DNAH3: variants seen among roughly 807,000 people sequenced by gnomAD.
DNAH3 encodes the protein axonemal beta dynein heavy chain 3.
Under a neutral mutation model 432.5 loss-of-function variants are expected in DNAH3, and 332 were observed. That is an observed-to-expected ratio of 0.77 (90% CI 0.70 to 0.84). The LOEUF (loss-of-function observed/expected upper bound fraction) is 0.84, where lower values mean the gene tolerates loss of function less well. Ranked by LOEUF, DNAH3 falls within the 40% of genes least tolerant of loss-of-function variation. The probability of loss-of-function intolerance (pLI) is 0.00; values close to 1 mark genes in which losing one functional copy is unlikely to be tolerated. For missense variants in DNAH3, 4,861 were observed against 5,114.0 expected (o/e 0.95, Z 1.51); for synonymous variants, 1,956 against 1,900.2 (o/e 1.03, Z -0.76).
intron 12 of DNAH3, among the ~76,000 whole-genome samples, chr16:21,115,818 A>G (rs1184998434): frequency 6.6e-6 from 1 of 152,180 alleles, no homozygotes; most frequent in Non-Finnish European, 1.5e-5. Flanking sequence ...GAATAGGGAA[A>G]ACAGAGGTTT....
intron 2 of DNAH3, 150 bp downstream of exon 3, chr16:21,145,834 G>A: frequency 1.6e-6 from 1 of 609,310 alleles, no homozygotes; most frequent in Non-Finnish European, 2.9e-6. Context: ...GCCTCTTCTG[G>A]GGGCAAAAGC....
intron 1 of DNAH3, among the ~76,000 whole-genome samples, chr16:21,156,200 ATTTATTTTATTTTAT>A (rs1555579919): frequency 4.0e-5 from 3 of 75,766 alleles, no homozygotes; most frequent in African/African-American, 1.4e-4. Flanking sequence ...ATTTTATTTT[ATTTATTTTATTTTAT>A]TTTATTTTAT....
chr16:20,979,232 G>C, intron 50 of DNAH3, 98 bp downstream of exon 50: 1 of 1,069,456 alleles, frequency 9.4e-7, no homozygotes, highest in Non-Finnish European at 1.4e-6. Context: ...CATTCTGCTT[G>C]ATCTGGTGTC....
intron 27 of DNAH3, among the ~76,000 whole-genome samples, chr16:21,056,035 GC>G (rs2090121387): frequency 6.6e-6 from 1 of 152,168 alleles, no homozygotes; most frequent in Non-Finnish European, 1.5e-5. Context: ...ACCGTATCCT[GC>G]CCTGAATCTA....
intron 24 of DNAH3, among the ~76,000 whole-genome samples, chr16:21,063,630 C>T (rs1347735071): frequency 6.6e-6 from 1 of 151,842 alleles, no homozygotes; most frequent in Non-Finnish European, 1.5e-5. Context: ...ACAGCCTTGA[C>T]CTCCAGGGCT....
chr16:20,953,635 G>C (rs1246991124), intron 55 of DNAH3, among the ~76,000 whole-genome samples: 1 of 151,558 alleles, frequency 6.6e-6, no homozygotes, highest in Non-Finnish European at 1.5e-5. Flanking sequence ...AGAGTGGTAT[G>C]ATCTCCCTTC....
intron 20 of DNAH3, among the ~76,000 whole-genome samples, chr16:21,075,914 C>CAAAAA (rs34186982): frequency 2.8e-4 from 15 of 52,678 alleles, no homozygotes; most frequent in African/African-American, 9.0e-4. Context: ...AACCCTGTCT[C>CAAAAA]AAAAAAAAAA....
intron 1 of DNAH3, among the ~76,000 whole-genome samples, chr16:21,147,035 C>T (rs1228366763): frequency 6.6e-6 from 1 of 152,006 alleles, no homozygotes; most frequent in Admixed American, 6.6e-5. Flanking sequence ...TCTGGGATTA[C>T]AGGCATGAGC....
At chr16:20,971,691 T>A (rs1040577035) in intron 51 of DNAH3, among the ~76,000 whole-genome samples, 3 of 152,140 alleles carry the variant, frequency 2.0e-5, no homozygotes, top group African/African-American at 7.2e-5. Flanking sequence ...CCTTGTGCGA[T>A]CACTCACCTC....
At chr16:21,097,311 C>T (rs754131055) in intron 18 of DNAH3, 44 bp downstream of exon 18, 4 of 1,609,744 alleles carry the variant, frequency 2.5e-6, no homozygotes, top group Non-Finnish European at 3.4e-6. Context: ...GTGGATCCTC[C>T]ACCTCATCCC....
At chr16:21,063,537 T>G (rs2090439689) in intron 24 of DNAH3, among the ~76,000 whole-genome samples, 2 of 150,512 alleles carry the variant, frequency 1.3e-5, no homozygotes, top group Admixed American at 1.3e-4. Context: ...TTATTTTTAT[T>G]TTTATTTTTA....
chr16:20,981,313 G>A (rs2085886536), intron 49 of DNAH3, among the ~76,000 whole-genome samples: 1 of 152,144 alleles, frequency 6.6e-6, no homozygotes, highest in Non-Finnish European at 1.5e-5. Context: ...CTACCCACAA[G>A]CACGTGGACC....
In DNAH3 at chr16:21,095,565, A is replaced by G. The variant is rs548304043; in HGVS notation, c.2665+1790T>C. Among the ~76,000 whole-genome samples the G allele has an allele frequency of 2.9e-3, 438 of 152,294 alleles. 14 individuals are homozygous for G. The highest frequency in any genetic ancestry group is 0.01 in the Middle Eastern group (3 of 294). Reference sequence around the variant, plus strand: ...CTGGGGGGAGGATTTGACCACAAGGAGACAGTCCAAAGAAATTTATTGAGT... The same window carrying G: ...CTGGGGGGAGGATTTGACCACAAGGGGACAGTCCAAAGAAATTTATTGAGT... On this transcript the variant is annotated intron_variant, in intron 18 of 61. Coordinates refer to ENST00000261383, the Ensembl canonical transcript of DNAH3.
At chr16:21,045,086 T>C (rs1416807592) in intron 31 of DNAH3, among the ~76,000 whole-genome samples, 6 of 152,178 alleles carry the variant, frequency 3.9e-5, no homozygotes, top group Admixed American at 1.3e-4. Flanking sequence ...CAGTATTTTA[T>C]TGAGGATTTT....
intron 1 of DNAH3, among the ~76,000 whole-genome samples, chr16:21,153,050 A>G (rs2092873211): frequency 6.6e-6 from 1 of 152,224 alleles, no homozygotes; most frequent in South Asian, 2.1e-4. Context: ...GGGTGAAGCC[A>G]GCTGGGCTCC....
chr16:21,131,283 G>C (rs371343435), intron 7 of DNAH3, among the ~76,000 whole-genome samples: 1 of 151,896 alleles, frequency 6.6e-6, no homozygotes, highest in African/African-American at 2.4e-5. Flanking sequence ...CTCTAATCAT[G>C]CCACTGCACC....
chr16:20,987,208 G>A, intron 47 of DNAH3, 97 bp downstream of exon 47: 2 of 1,426,554 alleles, frequency 1.4e-6, no homozygotes, highest in Non-Finnish European at 1.9e-6. Context: ...TGCAGAGCTG[G>A]CAGTCTCCAA....
At chr16:21,041,245 G>C (rs2089428673) in intron 32 of DNAH3, among the ~76,000 whole-genome samples, 2 of 151,946 alleles carry the variant, frequency 1.3e-5, no homozygotes, top group African/African-American at 4.8e-5. Flanking sequence ...GTGGCGCATG[G>C]CTATAGTCCC....
chr16:21,122,546 C>A (rs1402250951), intron 9 of DNAH3, among the ~76,000 whole-genome samples: 1 of 152,062 alleles, frequency 6.6e-6, no homozygotes, highest in African/African-American at 2.4e-5. Flanking sequence ...GAGTGAAACT[C>A]CATCTCAAAA....
Sources: allele counts gnomAD v4.1 joint callset (sites outside exome capture counted in the v4.1 genomes callset), GRCh38; gene constraint gnomAD v4.1.1; transcripts MANE v1.5; gene names NCBI Gene and HGNC (gene_info 2026-07-23, HGNC 2026-07-21).